The following METTL25 variants were observed in gnomAD, a reference collection of about 807,000 sequenced individuals.
METTL25 encodes the protein methyltransferase like 25.
In METTL25, 64 loss-of-function variants were observed where a neutral mutation model predicts 71.6. That is an observed-to-expected ratio of 0.89 (90% CI 0.73 to 1.10). The LOEUF (loss-of-function observed/expected upper bound fraction) is 1.10. METTL25 is among the 50% of genes least tolerant of loss of function. The probability of loss-of-function intolerance (pLI) is 0.00; values close to 1 mark genes in which losing one functional copy is unlikely to be tolerated. For missense variants in METTL25, 807 were observed against 707.0 expected (o/e 1.14, Z -1.60); for synonymous variants, 287 against 250.3 (o/e 1.15, Z -1.38).
intron 9 of METTL25, among the ~76,000 whole-genome samples, chr12:82,472,558 A>G (rs1298897821): frequency 6.6e-6 from 1 of 152,186 alleles, no homozygotes; most frequent in Non-Finnish European, 1.5e-5. Context: ...AGGTCCTGCC[A>G]CTGCACTCCA....
At chr12:82,417,832 A>G (rs1888120397) in intron 5 of METTL25, among the ~76,000 whole-genome samples, 4 of 152,106 alleles carry the variant, frequency 2.6e-5, no homozygotes. Context: ...AGCCAGGAGA[A>G]GCTTTGTTGT....
chr12:82,395,894 C>T (rs539958258), intron 3 of METTL25, among the ~76,000 whole-genome samples: 1 of 152,138 alleles, frequency 6.6e-6, no homozygotes, highest in African/African-American at 2.4e-5. Flanking sequence ...AGAGTTTCTA[C>T]TATATAGCCC....
intron 8 of METTL25, among the ~76,000 whole-genome samples, chr12:82,445,809 G>GA (rs1890694053): frequency 6.6e-6 from 1 of 152,156 alleles, no homozygotes; most frequent in South Asian, 2.1e-4. Context: ...TGTAAAAAGA[G>GA]AAAAAGAAAT....
intron 5 of METTL25, among the ~76,000 whole-genome samples, chr12:82,417,308 A>C (rs1217226030): frequency 6.6e-6 from 1 of 152,330 alleles, no homozygotes; most frequent in East Asian, 1.9e-4. Context: ...TGCATGTGAC[A>C]CACAAAAAGG....
intron 2 of METTL25, among the ~76,000 whole-genome samples, chr12:82,389,133 A>G (rs1280181179): frequency 2.6e-5 from 4 of 152,018 alleles, no homozygotes; most frequent in African/African-American, 9.7e-5. Flanking sequence ...CCATTTTAAT[A>G]TACTTTATAA....
At chr12:82,460,098 TAACCC>T (rs1273308984) in intron 9 of METTL25, among the ~76,000 whole-genome samples, 3 of 152,208 alleles carry the variant, frequency 2.0e-5, no homozygotes, top group Non-Finnish European at 4.4e-5. Flanking sequence ...CCTCAGTTGT[TAACCC>T]ATCTTCTTAT....
At chr12:82,398,730 T>C in intron 3 of METTL25, 65 bp from the exon 4 acceptor site, 1 of 1,135,310 alleles carries the variant, frequency 8.8e-7, no homozygotes, top group Non-Finnish European at 1.2e-6. Flanking sequence ...CTTCAAAAAA[T>C]CTAGAATGCT....
At chr12:82,466,755 T>G (rs1226214289) in intron 9 of METTL25, among the ~76,000 whole-genome samples, 2 of 152,096 alleles carry the variant, frequency 1.3e-5, no homozygotes, top group Non-Finnish European at 2.9e-5. Flanking sequence ...AATATTTGCA[T>G]TATATATCTA....
intron 3 of METTL25, among the ~76,000 whole-genome samples, chr12:82,392,218 T>C (rs1037737866): frequency 6.6e-6 from 1 of 151,198 alleles, no homozygotes; most frequent in African/African-American, 2.4e-5. Context: ...ACTCGTCATC[T>C]AGCATTAGGT....
At chr12:82,359,961 C>T (rs140231577) in intron 1 of METTL25, among the ~76,000 whole-genome samples, 1 of 152,138 alleles carries the variant, frequency 6.6e-6, no homozygotes, top group Non-Finnish European at 1.5e-5. Flanking sequence ...CTTCAGTTTG[C>T]TCTCATAATA....
At chr12:82,377,442 T>G (rs1883989402) in intron 1 of METTL25, among the ~76,000 whole-genome samples, 1 of 152,186 alleles carries the variant, frequency 6.6e-6, no homozygotes, top group African/African-American at 2.4e-5. Flanking sequence ...TATTTCTAGT[T>G]TTTTGTTAGC....
chr12:82,414,009 A>C (rs142865131), intron 5 of METTL25, among the ~76,000 whole-genome samples: 2 of 151,628 alleles, frequency 1.3e-5, no homozygotes, highest in East Asian at 1.9e-4. Flanking sequence ...TTTTTTCTTA[A>C]CTATATTAAT....
At chr12:82,451,265 A>C (rs896223497) in intron 8 of METTL25, 1 of 975,924 alleles carries the variant, frequency 1.0e-6, no homozygotes, top group Non-Finnish European at 1.2e-6. Flanking sequence ...GTGCGTATTT[A>C]TATTTTAAAG....
intron 6 of METTL25, among the ~76,000 whole-genome samples, chr12:82,432,412 C>T (rs1009789233): frequency 6.6e-6 from 1 of 151,180 alleles, no homozygotes; most frequent in Non-Finnish European, 1.5e-5. Flanking sequence ...TCAAAATGCT[C>T]ATAGCCAGTG....
At chr12:82,411,578 A>G (rs1887560798) in intron 5 of METTL25, among the ~76,000 whole-genome samples, 1 of 152,072 alleles carries the variant, frequency 6.6e-6, no homozygotes, top group African/African-American at 2.4e-5. Context: ...CTGATTCAGC[A>G]CTGGTCAAAA....
intron 8 of METTL25, among the ~76,000 whole-genome samples, chr12:82,444,286 G>A (rs888223854): frequency 3.3e-5 from 5 of 152,112 alleles, no homozygotes. Context: ...ACTGTCAACC[G>A]ATAATATGGT....
chr12:82,409,423 GT>G (rs1887373284), intron 5 of METTL25, among the ~76,000 whole-genome samples: 1 of 152,074 alleles, frequency 6.6e-6, no homozygotes, highest in Non-Finnish European at 1.5e-5. Context: ...TCTTCTAGAA[GT>G]TTTGGAGATA....
intron 9 of METTL25, among the ~76,000 whole-genome samples, chr12:82,460,287 G>T (rs1488132134): frequency 6.6e-6 from 1 of 152,184 alleles, no homozygotes; most frequent in Non-Finnish European, 1.5e-5. Context: ...AGAGACAAAT[G>T]TCCTATGGAA....
At chr12:82,403,277 T>G (rs1213817197) in intron 5 of METTL25, 147 bp downstream of exon 5, 1 of 709,302 alleles carries the variant, frequency 1.4e-6, no homozygotes, top group Non-Finnish European at 2.3e-6. Context: ...GCACTTTTAG[T>G]GTTACGGTGT....
Sources: allele counts gnomAD v4.1 joint callset (sites outside exome capture counted in the v4.1 genomes callset), GRCh38; gene constraint gnomAD v4.1.1; transcripts MANE v1.5; gene names NCBI Gene and HGNC (gene_info 2026-07-23, HGNC 2026-07-21).